IFT70A: variants seen among roughly 807,000 people sequenced by gnomAD.
The protein encoded by IFT70A is intraflagellar transport protein 70A.
At chr2:177,617,876 C>T in the IFT70A span, 84 of 1,614,086 alleles carry the variant, frequency 5.2e-5, no homozygotes, top group Non-Finnish European at 6.4e-5. Flanking sequence ...GGTGGCATGT[C>T]GGTGAGGGTT....
chr2:177,618,619 G>A, the IFT70A span: 6 of 1,609,428 alleles, frequency 3.7e-6, no homozygotes, highest in East Asian at 2.2e-5. Flanking sequence ...CACCGCCTCG[G>A]CGTAGCGGGC....
the IFT70A span, chr2:177,618,201 C>T: frequency 6.2e-7 from 1 of 1,614,268 alleles, no homozygotes; most frequent in East Asian, 2.2e-5. Context: ...CATACTGTCC[C>T]TCCTTGTAGA....
the IFT70A span, chr2:177,618,528 C>T: frequency 1.9e-6 from 3 of 1,590,552 alleles, no homozygotes; most frequent in Admixed American, 5.3e-5. Flanking sequence ...CGAACTCCTG[C>T]AGGCGGTAGT....
At chr2:177,613,402 G>T in the IFT70A span, 1 of 152,206 alleles carries the variant, frequency 6.6e-6, no homozygotes, top group Non-Finnish European at 1.5e-5. Flanking sequence ...ATGTTAGGGT[G>T]TGACCATCTC....
At chr2:177,618,428 C>T in the IFT70A span, 512 of 1,610,760 alleles carry the variant, frequency 3.2e-4, 4 homozygotes, top group South Asian at 5.3e-3. Flanking sequence ...TAAAGGCAGG[C>T]CTTGTACAGG....
the IFT70A span, chr2:177,617,112 C>T: frequency 1.2e-6 from 2 of 1,610,444 alleles, no homozygotes; most frequent in South Asian, 1.1e-5. Flanking sequence ...CATAAGAGAG[C>T]TGCTCTTCCT....
At chr2:177,614,845 A>G in the IFT70A span, 2 of 152,132 alleles carry the variant, frequency 1.3e-5, no homozygotes, top group South Asian at 4.1e-4. Flanking sequence ...CTTTGAAGAC[A>G]GGGGGAGAAA....
chr2:177,618,058 A>G, the IFT70A span: 2 of 1,614,238 alleles, frequency 1.2e-6, no homozygotes, highest in Non-Finnish European at 1.7e-6. Flanking sequence ...GCCACGCTCA[A>G]TAATCTCAGC....
At chr2:177,618,043 C>T in the IFT70A span, 31,193 of 1,614,178 alleles carry the variant, frequency 0.019, 661 homozygotes, top group South Asian at 0.079. Context: ...AGGATGCTGG[C>T]GGATGCCACG....
At chr2:177,613,001 T>C in the IFT70A span, 1 of 152,248 alleles carries the variant, frequency 6.6e-6, no homozygotes, top group Non-Finnish European at 1.5e-5. Context: ...ATTTACAATT[T>C]CCCATTTTAT....
At chr2:177,618,321 G>A in the IFT70A span, 7 of 1,613,902 alleles carry the variant, frequency 4.3e-6, no homozygotes, top group Admixed American at 3.3e-5. Flanking sequence ...CTGGCAGATC[G>A]CCCTCGCTAT....
At chr2:177,616,863 G>C in the IFT70A span, 9 of 1,594,792 alleles carry the variant, frequency 5.6e-6, no homozygotes, top group Non-Finnish European at 6.8e-6. Flanking sequence ...CTAAAAACTG[G>C]ACACATTCTT....
At chr2:177,616,705 T>G in the IFT70A span, 2 of 1,513,126 alleles carry the variant, frequency 1.3e-6, no homozygotes, top group African/African-American at 2.8e-5. Flanking sequence ...CAGTCATAAC[T>G]ACTTATTCCA....
the IFT70A span, chr2:177,616,646 T>TA: frequency 3.5e-5 from 48 of 1,390,402 alleles, no homozygotes; most frequent in South Asian, 9.7e-5. Context: ...TAAATACAGA[T>TA]AAAAAAAAGT....
chr2:177,615,270 A>G, the IFT70A span: 1 of 152,212 alleles, frequency 6.6e-6, no homozygotes, highest in East Asian at 1.9e-4. Flanking sequence ...AAAAATACAC[A>G]TTATAACAGC....
chr2:177,616,891 A>T, the IFT70A span: 1 of 1,594,134 alleles, frequency 6.3e-7, no homozygotes, highest in Non-Finnish European at 8.5e-7. Context: ...ACTGTCATGA[A>T]TGACTATCAT....
chr2:177,616,768 G>A, the IFT70A span: 1 of 1,580,258 alleles, frequency 6.3e-7, no homozygotes. Flanking sequence ...ATCTGTGACT[G>A]TATTCTTCCC....
At chr2:177,614,990 A>T in the IFT70A span, 1 of 152,180 alleles carries the variant, frequency 6.6e-6, no homozygotes, top group East Asian at 1.9e-4. Flanking sequence ...TGATTTGGTG[A>T]GTTAGTTATG....
the IFT70A span, chr2:177,617,100 A>G: frequency 6.2e-7 from 1 of 1,612,374 alleles, no homozygotes; most frequent in East Asian, 2.2e-5. Flanking sequence ...GATTTGGGTC[A>G]TCATAAGAGA....
Sources: gnomAD v4.1 joint callset for allele counts on GRCh38, gnomAD v4.1.1 for gene constraint, MANE v1.5 for transcripts, NCBI Gene and HGNC (gene_info 2026-07-23, HGNC 2026-07-21) for gene names.